TSPAN5: variants seen among roughly 807,000 people sequenced by gnomAD.
TSPAN5 encodes the protein tetraspanin-5.
TSPAN5 carries 10 observed loss-of-function variants against 37.1 expected under a neutral mutation model. The observed-to-expected ratio is 0.27, with a 90% CI of 0.17 to 0.46. The LOEUF (loss-of-function observed/expected upper bound fraction) is 0.46. TSPAN5 is among the 20% of genes least tolerant of loss of function. The pLI is 1.00. For missense variants in TSPAN5, 195 were observed against 326.6 expected (o/e 0.60, Z 3.11); for synonymous variants, 110 against 118.9 (o/e 0.93, Z 0.48).
At chr4:98,548,018 AAAAAAAAAAG>A (rs1322175204) in intron 1 of TSPAN5, among the ~76,000 whole-genome samples, 2 of 129,610 alleles carry the variant, frequency 1.5e-5, no homozygotes, top group African/African-American at 6.3e-5. Context: ...TCTCAAAAAA[AAAAAAAAAAG>A]AAAAAGAAAA....
intron 1 of TSPAN5, among the ~76,000 whole-genome samples, chr4:98,555,388 C>T (rs1406941451): frequency 1.3e-5 from 2 of 152,156 alleles, no homozygotes; most frequent in African/African-American, 2.4e-5. Context: ...CAGGGTACTC[C>T]TACCCTAAGG....
intron 2 of TSPAN5, among the ~76,000 whole-genome samples, chr4:98,498,660 G>A (rs959963405): frequency 6.6e-6 from 1 of 152,166 alleles, no homozygotes; most frequent in South Asian, 2.1e-4. Context: ...GGGCCTGGGG[G>A]TGGAGTGTGG....
chr4:98,629,999 T>A (rs533247187), intron 1 of TSPAN5, among the ~76,000 whole-genome samples: 1 of 152,354 alleles, frequency 6.6e-6, no homozygotes, highest in South Asian at 2.1e-4. Flanking sequence ...ATGAAAATAC[T>A]CGACTAACCA....
chr4:98,616,773 G>A (rs943755923), intron 1 of TSPAN5, among the ~76,000 whole-genome samples: 2 of 151,950 alleles, frequency 1.3e-5, no homozygotes. Context: ...GATCATTTAC[G>A]AGAGAGGGAA....
At chr4:98,504,475 C>G (rs1753429516) in intron 2 of TSPAN5, among the ~76,000 whole-genome samples, 1 of 152,190 alleles carries the variant, frequency 6.6e-6, no homozygotes, top group East Asian at 1.9e-4. Flanking sequence ...AAAACAAACC[C>G]AATTCTCTGG....
At chr4:98,627,019 G>A (rs983679263) in intron 1 of TSPAN5, among the ~76,000 whole-genome samples, 1 of 150,448 alleles carries the variant, frequency 6.6e-6, no homozygotes, top group African/African-American at 2.4e-5. Flanking sequence ...AAGGGTACTT[G>A]ATTAATGAAG....
At chr4:98,589,696 T>C (rs1293916572) in intron 1 of TSPAN5, among the ~76,000 whole-genome samples, 3 of 152,140 alleles carry the variant, frequency 2.0e-5, no homozygotes, top group Admixed American at 1.3e-4. Context: ...ACAATGTAAT[T>C]AAGCTTTTTA....
intron 2 of TSPAN5, among the ~76,000 whole-genome samples, chr4:98,494,352 G>A (rs1267246059): frequency 6.6e-6 from 1 of 151,912 alleles, no homozygotes; most frequent in South Asian, 2.1e-4. Context: ...GACAATGGGG[G>A]AGACAGACAA....
intron 1 of TSPAN5, among the ~76,000 whole-genome samples, chr4:98,581,497 C>G (rs1283348505): frequency 6.6e-6 from 1 of 152,190 alleles, no homozygotes; most frequent in Non-Finnish European, 1.5e-5. Flanking sequence ...GCTCTTGTCT[C>G]CTTGTTCTTT....
intron 1 of TSPAN5, among the ~76,000 whole-genome samples, chr4:98,533,676 A>G (rs28886705): frequency 0.78 from 112,962 of 145,480 alleles, 44,634 homozygotes; most frequent in African/African-American, 0.93. Context: ...TCAGCCTCCC[A>G]AGTAGCTGGG....
Position 98,578,413 on chromosome 4 carries a change from A to AAGTATTTATT in TSPAN5, c.82-70695_82-70686dup, listed in dbSNP as rs1381121780. Among the ~76,000 whole-genome samples the AAGTATTTATT allele has an allele frequency of 2.0e-5, 3 of 152,112 alleles. No homozygotes were observed. In the East Asian group the frequency reaches 5.8e-4, roughly 29 times the overall value. On this transcript the variant is annotated intron_variant, in intron 1 of 7. Coordinates refer to ENST00000305798, the MANE Select transcript of TSPAN5 (RefSeq NM_005723.4). ...CCTAGACTTTTCTCCTTCTTTCATTAAGTATTTATTAGTATTTATTTTATT... is the reference window on the plus strand; with the variant it reads ...CCTAGACTTTTCTCCTTCTTTCATTAAGTATTTATTAGTATTTATTAGTATTTATTTTATT...
At chr4:98,576,867 C>T (rs149426501) in intron 1 of TSPAN5, among the ~76,000 whole-genome samples, 2,177 of 152,320 alleles carry the variant, frequency 0.014, 20 homozygotes, top group Non-Finnish European at 0.022. Flanking sequence ...TCAAGTGATT[C>T]TCCTGCCTCA....
chr4:98,503,072 G>A (rs1274025770), intron 2 of TSPAN5, among the ~76,000 whole-genome samples: 1 of 151,970 alleles, frequency 6.6e-6, no homozygotes, highest in East Asian at 1.9e-4. Flanking sequence ...GCTAGATAGA[G>A]GCTCTGGAGT....
rs572557373 is a variant in TSPAN5, at chr4:98,558,359, CTT to C, written c.82-50633_82-50632del. ...GCAACTTTCCTGTAAATATAAAACT[CTT>C]CCAAGTCTCACACTGTCCCCCTGGA... On this transcript the variant is annotated intron_variant, in intron 1 of 7. Coordinates refer to ENST00000305798, the MANE Select transcript of TSPAN5 (RefSeq NM_005723.4). 2.1e-3 allele frequency among the ~76,000 whole-genome samples: 326 copies of C among 152,296 alleles called. 1 individual carries two copies. The highest frequency in any genetic ancestry group is 4.2e-3 in the Non-Finnish European group (285 of 68,016).
chr4:98,522,710 A>C (rs773022160), intron 1 of TSPAN5, among the ~76,000 whole-genome samples: 2 of 152,206 alleles, frequency 1.3e-5, no homozygotes, highest in Non-Finnish European at 2.9e-5. Context: ...AATAACCTCC[A>C]CATAAAATGT....
intron 7 of TSPAN5, among the ~76,000 whole-genome samples, chr4:98,473,516 G>A (rs1450049561): frequency 1.3e-5 from 2 of 149,196 alleles, no homozygotes; most frequent in Non-Finnish European, 3.0e-5. Context: ...GCGGACTGCA[G>A]TGGCGCAATC....
chr4:98,640,271 A>G (rs1235839403), intron 1 of TSPAN5, among the ~76,000 whole-genome samples: 1 of 152,250 alleles, frequency 6.6e-6, no homozygotes, highest in African/African-American at 2.4e-5. Flanking sequence ...AGAGACCCAG[A>G]TGGATGCTAA....
intron 1 of TSPAN5, among the ~76,000 whole-genome samples, chr4:98,526,201 G>T (rs1221268516): frequency 6.6e-6 from 1 of 152,180 alleles, no homozygotes; most frequent in East Asian, 1.9e-4. Flanking sequence ...AACCTCTGAG[G>T]CCCAACAAAG....
chr4:98,652,803 G>A (rs1300047985), intron 1 of TSPAN5, among the ~76,000 whole-genome samples: 1 of 152,322 alleles, frequency 6.6e-6, no homozygotes, highest in Non-Finnish European at 1.5e-5. Flanking sequence ...ACCTATTACT[G>A]TGGACATTAA....
Sources: gnomAD v4.1 joint callset for allele counts (sites outside exome capture counted in the v4.1 genomes callset) on GRCh38, gnomAD v4.1.1 for gene constraint, MANE v1.5 for transcripts, NCBI Gene and HGNC (gene_info 2026-07-23, HGNC 2026-07-21) for gene names.